NAV3: variants seen among roughly 807,000 people sequenced by gnomAD.
NAV3 encodes pore membrane and/or filament interacting like protein 1.
In NAV3, 87 loss-of-function variants were observed where a neutral mutation model predicts 244.7. The observed-to-expected ratio is 0.36, with a 90% CI of 0.30 to 0.42. The LOEUF (loss-of-function observed/expected upper bound fraction) is 0.42, where lower values mean the gene tolerates loss of function less well. NAV3 is among the 20% of genes least tolerant of loss of function. The pLI is 1.00. For missense variants in NAV3, 2,663 were observed against 2,893.3 expected, an observed-to-expected ratio of 0.92 and a Z score of 1.83; for synonymous variants, 1,126 against 1,042.2, an observed-to-expected ratio of 1.08 and a Z score of -1.55.
At chr12:77,746,200 C>T (rs1018467514) in intron 2 of NAV3, among the ~76,000 whole-genome samples, 7 of 151,972 alleles carry the variant, frequency 4.6e-5, no homozygotes, top group Admixed American at 2.6e-4. Context: ...CATTTTCTCA[C>T]GGGGATAGAT....
At chr12:77,640,428 A>T (rs1872357543) in intron 2 of NAV3, among the ~76,000 whole-genome samples, 1 of 152,120 alleles carries the variant, frequency 6.6e-6, no homozygotes. Flanking sequence ...CTCCATTTCC[A>T]TCCCTTCCCC....
At chr12:77,628,709 C>A (rs1871746849) in intron 2 of NAV3, among the ~76,000 whole-genome samples, 1 of 151,436 alleles carries the variant, frequency 6.6e-6, no homozygotes, top group Admixed American at 6.6e-5. Flanking sequence ...CATGGTGAAA[C>A]CCTATCTCTA....
At chr12:78,160,290 A>G (rs1957473343) in intron 23 of NAV3, among the ~76,000 whole-genome samples, 1 of 151,992 alleles carries the variant, frequency 6.6e-6, no homozygotes, top group Admixed American at 6.6e-5. Flanking sequence ...TGTGATGACC[A>G]GTTAGCTTAC....
At chr12:78,098,730 G>C (rs758840571) in intron 12 of NAV3, among the ~76,000 whole-genome samples, 6 of 149,522 alleles carry the variant, frequency 4.0e-5, no homozygotes, top group Non-Finnish European at 8.9e-5. Flanking sequence ...TTTTTTTTTA[G>C]CATTTAAAAA....
At chr12:78,051,357 T>C (rs1166204053) in intron 11 of NAV3, among the ~76,000 whole-genome samples, 1 of 152,236 alleles carries the variant, frequency 6.6e-6, no homozygotes, top group Admixed American at 6.5e-5. Context: ...TATAAGCCGC[T>C]AAGTTTTTCT....
chr12:77,640,846 C>T (rs899478239), intron 2 of NAV3, among the ~76,000 whole-genome samples: 1 of 152,128 alleles, frequency 6.6e-6, no homozygotes, highest in Non-Finnish European at 1.5e-5. Context: ...TTAAGACTCA[C>T]ACCCAAGTAA....
Position 77,693,610 on chromosome 12 carries a change from G to T in NAV3, c.72+121344G>T, listed in dbSNP as rs146653864. Among the ~76,000 whole-genome samples, 427 of 152,166 alleles carry T rather than the reference G, an allele frequency of 2.8e-3. 2 individuals carry two copies. Among genetic ancestry groups the T allele is most frequent in the African/African-American group, 9.8e-3 (407 of 41,538 alleles). ...ACAGTTAGACTTTCATATTGTTGTGGTGAAATCTTGGGGCTAAACAAATTA... is the reference window on the plus strand; with the variant it reads ...ACAGTTAGACTTTCATATTGTTGTGTTGAAATCTTGGGGCTAAACAAATTA... On this transcript the variant is annotated intron_variant, in intron 2 of 8. Transcript: ENST00000550042.
chr12:77,901,501 C>T (rs996401774), intron 1 of NAV3, among the ~76,000 whole-genome samples: 5 of 151,786 alleles, frequency 3.3e-5, no homozygotes, highest in Non-Finnish European at 4.4e-5. Flanking sequence ...CCTGAGGTTA[C>T]GAGTTTGAGA....
intron 23 of NAV3, among the ~76,000 whole-genome samples, chr12:78,164,374 T>A (rs1362495575): frequency 6.6e-6 from 1 of 152,000 alleles, no homozygotes; most frequent in African/African-American, 2.4e-5. Flanking sequence ...TCTGAAACAT[T>A]TTTTTGGGTG....
intron 2 of NAV3, among the ~76,000 whole-genome samples, chr12:77,604,210 A>G (rs575473179): frequency 1.3e-5 from 2 of 152,176 alleles, no homozygotes; most frequent in African/African-American, 4.8e-5. Flanking sequence ...TGCATAGACA[A>G]TTTTCTTCAA....
rs540434355 is a variant in NAV3, at chr12:78,165,739, C to A, written c.4870-3016C>A. Reference sequence around the variant, plus strand: ...AAGAAAAATGAAAACTAGAAATAAACTATTGAAAAATGTCTATGTATCAGT... The same window carrying A: ...AAGAAAAATGAAAACTAGAAATAAAATATTGAAAAATGTCTATGTATCAGT... On this transcript the variant is annotated intron_variant, in intron 23 of 39. Coordinates refer to ENST00000397909, the MANE Select transcript of NAV3 (RefSeq NM_001024383.2). Among the ~76,000 whole-genome samples the A allele has an allele frequency of 2.6e-5, 4 of 151,614 alleles. No homozygotes were observed. The East Asian group carries it at 7.7e-4, about 29-fold the overall frequency.
At chr12:77,678,439 A>C (rs1353527209) in intron 2 of NAV3, among the ~76,000 whole-genome samples, 1 of 152,198 alleles carries the variant, frequency 6.6e-6, no homozygotes, top group Non-Finnish European at 1.5e-5. Flanking sequence ...GATTCCAAAA[A>C]TAGAATGTAT....
intron 12 of NAV3, among the ~76,000 whole-genome samples, chr12:78,071,291 C>T (rs1952751266): frequency 6.6e-6 from 1 of 152,162 alleles, no homozygotes; most frequent in South Asian, 2.1e-4. Context: ...ATTTGCATTT[C>T]TCTGATGGCC....
At chr12:77,885,987 C>T (rs1883238004) in intron 1 of NAV3, among the ~76,000 whole-genome samples, 1 of 152,070 alleles carries the variant, frequency 6.6e-6, no homozygotes, top group Non-Finnish European at 1.5e-5. Flanking sequence ...AGCCAAACAA[C>T]AAATCTTCAG....
intron 12 of NAV3, among the ~76,000 whole-genome samples, chr12:78,071,552 A>C (rs551469457): frequency 6.6e-5 from 10 of 152,198 alleles, no homozygotes; most frequent in Non-Finnish European, 1.3e-4. Context: ...GAAGCTCTTT[A>C]GTTTAATTAG....
rs754785923 is a variant in NAV3, at chr12:78,021,827, G to T, written c.1988G>T (p.Ser663Ile). The T allele has an allele frequency of 6.2e-7, 1 of 1,610,706 alleles. No homozygotes were observed. Among genetic ancestry groups the T allele is most frequent in the Non-Finnish European group, 8.5e-7 (1 of 1,178,200 alleles). ...TSPTKMDLSY[S>I]KTAKQCLEEI... ...CCTACAAAGATGGACTTATCATATA[G>T]TAAGACTGCTAAGCAGTGCCTGGAG... is the stretch of plus-strand genomic sequence containing the variant. The change falls in exon 9 of 40, where the codon AGT becomes ATT. Residue 663 changes from serine (S) to isoleucine (I), a missense_variant. Around this residue, in one of 6 missense-constraint regions of NAV3, gnomAD observed 1,521 missense variants for 1,497.0 expected, o/e 1.02. Coordinates refer to ENST00000397909, the MANE Select transcript of NAV3 (RefSeq NM_001024383.2).
At position 78,189,962 on chromosome 12, in the gene NAV3, A is replaced by AT. The variant is rs778394206; in HGVS notation, c.6056-15dup. ...CTTATGTAGAACAATAAATCATGCTATTTTTTTGTTTCTTCTTTCAGGGGT... is the reference window on the plus strand; with the variant it reads ...CTTATGTAGAACAATAAATCATGCTATTTTTTTTGTTTCTTCTTTCAGGGGT... On this transcript the variant is annotated intron_variant, in intron 33 of 39. Coordinates refer to ENST00000397909, the MANE Select transcript of NAV3 (RefSeq NM_001024383.2). 4.8e-5 allele frequency: 75 copies of AT among 1,551,428 alleles called. No homozygotes were observed. The Middle Eastern group carries it at 1.2e-3, about 24-fold the overall frequency.
intron 2 of NAV3, among the ~76,000 whole-genome samples, chr12:77,751,639 A>T (rs1291635752): frequency 1.3e-5 from 2 of 152,176 alleles, no homozygotes; most frequent in Non-Finnish European, 2.9e-5. Flanking sequence ...CTAACTGTGA[A>T]TCAATTAAAC....
At chr12:77,639,723 C>T (rs116582129) in intron 2 of NAV3, among the ~76,000 whole-genome samples, 1 of 152,258 alleles carries the variant, frequency 6.6e-6, no homozygotes, top group African/African-American at 2.4e-5. Context: ...GAGGTGGTTA[C>T]AGGCAATGGC....
Sources: allele counts gnomAD v4.1 joint callset (sites outside exome capture counted in the v4.1 genomes callset), GRCh38; gene constraint gnomAD v4.1.1; regional missense constraint gnomAD v4.1.1; transcripts MANE v1.5; gene names NCBI Gene and HGNC (gene_info 2026-07-23, HGNC 2026-07-21).